FTCD: variants seen among roughly 807,000 people sequenced by gnomAD.
FTCD encodes the protein formimidoyltransferase cyclodeaminase, also known as formimidoyltransferase-cyclodeaminase.
A neutral mutation model predicts 62.9 loss-of-function variants in FTCD; 76 were observed. The observed-to-expected ratio is 1.21, with a 90% CI of 1.00 to 1.46. The LOEUF is 1.46. Among genes scored for constraint, FTCD ranks in the 40% most tolerant of loss-of-function variants. FTCD has a pLI of 0.00. For missense variants in FTCD, 845 were observed against 751.3 expected, an observed-to-expected ratio of 1.12 and a Z score of -1.46; for synonymous variants, 397 against 336.9, an observed-to-expected ratio of 1.18 and a Z score of -1.95.
At chr21:46,147,440 G>A (rs1283463644) in intron 7 of FTCD, among the ~76,000 whole-genome samples, 3 of 152,200 alleles carry the variant, frequency 2.0e-5, no homozygotes, top group African/African-American at 4.8e-5. Context: ...GTGTCCACAA[G>A]CGCCAGCACA....
chr21:46,138,214 A>C (rs62213997), intron 12 of FTCD, among the ~76,000 whole-genome samples: 19,074 of 152,174 alleles, frequency 0.13, 1,277 homozygotes, highest in Middle Eastern at 0.2. Context: ...TTCTAGAACA[A>C]GACAGTGGGG....
chr21:46,145,656 G>A (rs915819758), intron 9 of FTCD, 78 bp from the exon 10 acceptor site: 2 of 1,070,054 alleles, frequency 1.9e-6, no homozygotes, highest in Non-Finnish European at 2.5e-6. Context: ...CAGGGGCCCG[G>A]GTGATCCCTG....
In FTCD at chr21:46,150,248, C is replaced by G; in HGVS notation, c.777G>C (p.Glu259Asp). 6.2e-7 allele frequency: 1 copy of G among 1,609,312 alleles called. No individual in the cohort carries two copies. Among genetic ancestry groups the G allele is most frequent in the Non-Finnish European group, 8.5e-7 (1 of 1,178,452 alleles). ...GTGAGCCCACCACTGGGAGGCTCAG[C>G]TCCTGCCAAGGCACAGGCAGCGTCA... ...VYEETCREAQ[E>D]LSLPVVGSQL... The change falls in exon 7 of 14, where the codon GAG (glutamate) becomes GAC (aspartate). Residue 259 changes from glutamate (E) to aspartate (D), a missense_variant and splice_region_variant. Coordinates refer to ENST00000397746, the MANE Select transcript of FTCD (RefSeq NM_206965.2).
At chr21:46,151,769 C>T (rs762422619) in intron 4 of FTCD, 32 bp from the exon 5 acceptor site, 2 of 1,610,174 alleles carry the variant, frequency 1.2e-6, no homozygotes, top group Middle Eastern at 1.8e-4. Flanking sequence ...GGTGAGACAT[C>T]CCCCACGGGA....
At chr21:46,154,003 C>G (rs1032667065) in intron 2 of FTCD, 146 bp downstream of exon 2, 1 of 817,326 alleles carries the variant, frequency 1.2e-6, no homozygotes, top group East Asian at 2.6e-5. Context: ...ACTCCAGGGT[C>G]CTCCTAGGAG....
At chr21:46,154,808 C>T (rs1389410578) in intron 1 of FTCD, among the ~76,000 whole-genome samples, 1 of 152,232 alleles carries the variant, frequency 6.6e-6, no homozygotes, top group Non-Finnish European at 1.5e-5. Context: ...TGTCCCAGGG[C>T]CTTGGTGCTG....
intron 11 of FTCD, 54 bp from the exon 12 acceptor site, chr21:46,138,700 G>A (rs2078927558): frequency 1.3e-6 from 2 of 1,565,816 alleles, no homozygotes; most frequent in African/African-American, 1.3e-5. Context: ...GGCAGGCAGT[G>A]GACACACTGC....
At chr21:46,143,950 C>T (rs979190525) in intron 10 of FTCD, among the ~76,000 whole-genome samples, 10 of 152,140 alleles carry the variant, frequency 6.6e-5, no homozygotes, top group African/African-American at 2.4e-4. Context: ...TTATGTTCCA[C>T]TCTGTACACC....
chr21:46,146,083 C>A, intron 8 of FTCD, 136 bp from the exon 9 acceptor site: 2 of 713,136 alleles, frequency 2.8e-6, no homozygotes, highest in Non-Finnish European at 4.6e-6. Flanking sequence ...TGCGGGGACC[C>A]GGCCGGGGTC....
chr21:46,148,802 G>A (rs968268585), intron 7 of FTCD, among the ~76,000 whole-genome samples: 15 of 152,202 alleles, frequency 9.9e-5, no homozygotes, highest in Non-Finnish European at 1.6e-4. Context: ...TCAGTGCTCT[G>A]TGTTACGTGA....
chr21:46,143,298 C>T (rs1469851040), intron 10 of FTCD, among the ~76,000 whole-genome samples: 1 of 151,900 alleles, frequency 6.6e-6, no homozygotes, highest in Non-Finnish European at 1.5e-5. Flanking sequence ...CCCTCCCTCC[C>T]ACTCTGTCCC....
In FTCD at chr21:46,151,578, GCTCCCGC is replaced by G. The variant is rs2079275837; in HGVS notation, c.609_615del (p.Glu205AlafsTer10). The G allele has an allele frequency of 6.2e-7, 1 of 1,612,816 alleles. No individual in the cohort carries two copies. Among genetic ancestry groups the G allele is most frequent in the African/African-American group, 1.3e-5 (1 of 75,080 alleles). The stretch of plus-strand genomic sequence containing the variant: ...GTCACCTGGTCCTTCCCGCGGCCCT[GCTCCCGC>G]AGGTTGAGCGCGATGCGGTGGGCTT... On this transcript the variant is annotated frameshift_variant, in exon 5 of 14. Coordinates refer to ENST00000397746, the MANE Select transcript of FTCD (RefSeq NM_206965.2). LOFTEE classifies it high-confidence loss of function.
intron 10 of FTCD, chr21:46,142,534 C>T (rs2079041535): frequency 6.6e-6 from 1 of 152,156 alleles, no homozygotes; most frequent in Non-Finnish European, 1.5e-5. Context: ...CTGTTAGCTC[C>T]TCCCGGTGGG....
intron 2 of FTCD, 82 bp from the exon 3 acceptor site, chr21:46,153,117 C>T: frequency 7.1e-7 from 1 of 1,414,606 alleles, no homozygotes; most frequent in Non-Finnish European, 9.5e-7. Flanking sequence ...ACCCTCTGTC[C>T]TCTCCGGCCT....
chr21:46,140,021 T>G (rs985225831), intron 10 of FTCD, among the ~76,000 whole-genome samples: 7 of 152,228 alleles, frequency 4.6e-5, no homozygotes, highest in Non-Finnish European at 1.0e-4. Context: ...GGCTTGGTTG[T>G]GTTGGTGGTG....
In FTCD at chr21:46,150,111, C is replaced by T. The variant is rs375796852; in HGVS notation, c.906+8G>A. 3.4e-5 allele frequency: 54 copies of T among 1,610,046 alleles called. No individual in the cohort carries two copies. The African/African-American group carries it at 5.7e-4, about 17-fold the overall frequency. On this transcript the variant is annotated splice_region_variant and intron_variant, in intron 7 of 13. Transcript: ENST00000397746. ...CCTGTCCGACCCTTCCTCGGCAGCC[C>T]GGCCCACCAGCCTGATCCGCTGCTC...
At chr21:46,145,991 G>A (rs1428489631) in intron 8 of FTCD, 44 bp from the exon 9 acceptor site, 18 of 1,242,020 alleles carry the variant, frequency 1.4e-5, no homozygotes, top group Middle Eastern at 5.4e-4. Flanking sequence ...GGGGTTGGTG[G>A]GGGGAGCGCA....
chr21:46,153,060 C>T (rs1266584873), intron 2 of FTCD, 25 bp from the exon 3 acceptor site: 7 of 1,541,120 alleles, frequency 4.5e-6, no homozygotes, highest in Non-Finnish European at 6.1e-6. Flanking sequence ...CGAGGCCGGG[C>T]AGGAGGCCAG....
chr21:46,137,705 G>A (rs531055651), intron 12 of FTCD, among the ~76,000 whole-genome samples: 4 of 152,198 alleles, frequency 2.6e-5, no homozygotes, highest in African/African-American at 7.2e-5. Flanking sequence ...GGACTGAGGG[G>A]ACACTTCTCT....
Sources: gnomAD v4.1 joint callset for allele counts (sites outside exome capture counted in the v4.1 genomes callset) on GRCh38, gnomAD v4.1.1 for gene constraint, MANE v1.5 for transcripts, NCBI Gene and HGNC (gene_info 2026-07-23, HGNC 2026-07-21) for gene names.